NTRK3: variants seen among roughly 807,000 people sequenced by gnomAD.
The protein encoded by NTRK3 is NT-3 growth factor receptor.
A neutral mutation model predicts 91.7 loss-of-function variants in NTRK3; 24 were observed. That is an observed-to-expected ratio of 0.26 (90% CI 0.19 to 0.37). The LOEUF (loss-of-function observed/expected upper bound fraction) is 0.37, where lower values mean the gene tolerates loss of function less well. Ranked by LOEUF, NTRK3 falls within the 10% of genes least tolerant of loss-of-function variation. The pLI is 1.00. For missense variants in NTRK3, 880 were observed against 1,068.9 expected, an observed-to-expected ratio of 0.82 and a Z score of 2.46; for synonymous variants, 483 against 404.0, an observed-to-expected ratio of 1.20 and a Z score of -2.34.
At position 87,897,365 on chromosome 15, in the gene NTRK3, T is replaced by G. The variant is rs80193612; in HGVS notation, c.2134-16937A>C. Among the ~76,000 whole-genome samples the G allele has an allele frequency of 6.4e-4, 97 of 152,358 alleles. 2 individuals are homozygous for G. The East Asian group carries it at 0.018, about 28-fold the overall frequency. ...TCCTTTACTGCCCCCAAGCAATGTA[T>G]TTTTTAATAGAGCAGACATTTCAAC... On this transcript the variant is annotated intron_variant, in intron 17 of 18. Transcript: ENST00000394480.
Position 88,091,747 on chromosome 15 carries a change from T to C in NTRK3, c.1396+34524A>G, listed in dbSNP as rs146770562. 2.6e-5 allele frequency among the ~76,000 whole-genome samples: 4 copies of C among 152,328 alleles called. No individual in the cohort carries two copies. In the East Asian group the frequency reaches 5.8e-4, roughly 22 times the overall value. On this transcript the variant is annotated intron_variant, in intron 13 of 18. Coordinates refer to ENST00000394480, the Ensembl canonical transcript of NTRK3. The stretch of plus-strand genomic sequence containing the variant: ...ATGACACACATCTGACCCATATTTG[T>C]CGACCTGAGGGAAGCGGTAAATGTT...
At chr15:87,974,553 T>A (rs2073550695) in intron 14 of NTRK3, among the ~76,000 whole-genome samples, 1 of 151,998 alleles carries the variant, frequency 6.6e-6, no homozygotes, top group Admixed American at 6.6e-5. Flanking sequence ...TTCTCACCCT[T>A]GCCCAGACCT....
intron 17 of NTRK3, among the ~76,000 whole-genome samples, chr15:87,901,388 A>G (rs1347972316): frequency 2.6e-5 from 4 of 152,230 alleles, no homozygotes; most frequent in African/African-American, 9.6e-5. Flanking sequence ...GGCTAACGAA[A>G]CTGGGATGAA....
intron 14 of NTRK3, among the ~76,000 whole-genome samples, chr15:87,954,860 C>T (rs971679414): frequency 3.3e-5 from 5 of 152,196 alleles, no homozygotes; most frequent in Non-Finnish European, 7.4e-5. Flanking sequence ...TCCCTGACAG[C>T]CACAGCGTCT....
intron 13 of NTRK3, among the ~76,000 whole-genome samples, chr15:88,060,669 G>A (rs751002557): frequency 9.2e-5 from 14 of 152,134 alleles, no homozygotes; most frequent in Non-Finnish European, 1.5e-4. Flanking sequence ...GGAACAGCAG[G>A]AGCTAATTGT....
Position 88,213,428 on chromosome 15 carries a change from C to A in NTRK3, c.249-29129G>T, listed in dbSNP as rs183139034. 6.6e-5 allele frequency among the ~76,000 whole-genome samples: 10 copies of A among 152,320 alleles called. No homozygotes were observed. In the South Asian group the frequency reaches 2.1e-3, roughly 32 times the overall value. On this transcript the variant is annotated intron_variant, in intron 3 of 18. Transcript: ENST00000394480. ...GGAACAGGGGGACAAGCTGCCCACA[C>A]GTGTCCACTTGAGATGCTGTGAGGG...
intron 3 of NTRK3, among the ~76,000 whole-genome samples, chr15:88,201,939 T>C (rs961549259): frequency 6.6e-6 from 1 of 152,136 alleles, no homozygotes; most frequent in Non-Finnish European, 1.5e-5. Flanking sequence ...ATGTTCCAAG[T>C]CACTCTCTCT....
chr15:87,987,606 G>GTT (rs2074933664), intron 14 of NTRK3, among the ~76,000 whole-genome samples: 2 of 151,282 alleles, frequency 1.3e-5, no homozygotes, highest in Admixed American at 6.6e-5. Context: ...CAAATTCTTT[G>GTT]TTATATATAT....
chr15:88,138,443 G>A (rs76811193), intron 6 of NTRK3, among the ~76,000 whole-genome samples: 3,618 of 152,188 alleles, frequency 0.024, 50 homozygotes, highest in Non-Finnish European at 0.04. Flanking sequence ...ATATCAGCTC[G>A]AGATGCTCCT....
intron 13 of NTRK3, among the ~76,000 whole-genome samples, chr15:88,050,224 A>C (rs1164430176): frequency 1.3e-5 from 2 of 152,172 alleles, no homozygotes; most frequent in African/African-American, 4.8e-5. Flanking sequence ...ATTCAAAGGC[A>C]CGTGTGTCCC....
intron 13 of NTRK3, among the ~76,000 whole-genome samples, chr15:88,078,575 G>A (rs369509130): frequency 2.6e-4 from 39 of 152,272 alleles, no homozygotes; most frequent in African/African-American, 6.5e-4. Context: ...ACTTGAACCC[G>A]GGAGGTGGAG....
intron 3 of NTRK3, among the ~76,000 whole-genome samples, chr15:88,202,214 G>A (rs1272909217): frequency 6.6e-6 from 1 of 152,158 alleles, no homozygotes; most frequent in African/African-American, 2.4e-5. Context: ...ATCCTAAGCG[G>A]GGAGGCACGA....
exon 19 of NTRK3, chr15:87,875,969 T>C: frequency 4.3e-6 from 1 of 232,172 alleles, no homozygotes; most frequent in Non-Finnish European, 8.5e-6. Context: ...GGGACCTGTT[T>C]CCTAACCCCC....
intron 5 of NTRK3, among the ~76,000 whole-genome samples, chr15:88,169,081 A>G (rs1423360874): frequency 6.6e-6 from 1 of 152,210 alleles, no homozygotes; most frequent in Non-Finnish European, 1.5e-5. Context: ...GGGAAGCGCA[A>G]TGTGGCTTGA....
intron 5 of NTRK3, among the ~76,000 whole-genome samples, chr15:88,147,920 C>A (rs2043031496): frequency 6.6e-6 from 1 of 152,190 alleles, no homozygotes; most frequent in Non-Finnish European, 1.5e-5. Context: ...CTCCTAATGG[C>A]TATTTAATTG....
chr15:88,161,998 T>C (rs1168103982), intron 5 of NTRK3, among the ~76,000 whole-genome samples: 1 of 151,994 alleles, frequency 6.6e-6, no homozygotes, highest in Non-Finnish European at 1.5e-5. Flanking sequence ...GGAAGCACAA[T>C]AAAGAAAGAT....
intron 17 of NTRK3, among the ~76,000 whole-genome samples, chr15:87,894,699 C>G (rs1306759619): frequency 2.6e-5 from 4 of 152,154 alleles, no homozygotes; most frequent in Admixed American, 1.3e-4. Context: ...TCACTGCCCC[C>G]CTTCTCCAAC....
intron 3 of NTRK3, among the ~76,000 whole-genome samples, chr15:88,214,112 G>A (rs778458525): frequency 3.9e-5 from 6 of 151,936 alleles, no homozygotes; most frequent in East Asian, 1.9e-4. Context: ...AAATGAGGCC[G>A]TATGCCAGGA....
exon 19 of NTRK3, chr15:87,874,950 C>T (rs762217708): frequency 4.3e-5 from 10 of 232,884 alleles, no homozygotes; most frequent in Non-Finnish European, 8.5e-5. Context: ...CCTGCCTCCC[C>T]TCCCAGTCCA....
Sources: allele counts gnomAD v4.1 joint callset (sites outside exome capture counted in the v4.1 genomes callset), GRCh38; gene constraint gnomAD v4.1.1; transcripts MANE v1.5; gene names NCBI Gene and HGNC (gene_info 2026-07-23, HGNC 2026-07-21).